The following CARMIL1 variants were observed in gnomAD, a reference collection of about 807,000 sequenced individuals.
CARMIL1 encodes the protein F-actin-uncapping protein LRRC16A.
Under a neutral mutation model 177.1 loss-of-function variants are expected in CARMIL1, and 90 were observed. The ratio of observed to expected loss-of-function variants is 0.51; its 90% CI spans 0.43 to 0.61. The LOEUF (loss-of-function observed/expected upper bound fraction) is 0.61. Ranked by LOEUF, CARMIL1 falls within the 20% of genes least tolerant of loss-of-function variation. CARMIL1 has a pLI of 0.00. For synonymous variants in CARMIL1, 577 were observed against 606.2 expected (o/e 0.95, Z 0.71); for missense variants, 1,380 against 1,667.0 (o/e 0.83, Z 3.00).
At chr6:25,441,373 CTATG>C (rs1562140708) in intron 5 of CARMIL1, among the ~76,000 whole-genome samples, 2 of 58,930 alleles carry the variant, frequency 3.4e-5, no homozygotes, top group Non-Finnish European at 7.5e-5. Context: ...GTGTGTGTGT[CTATG>C]TGTGTGTGTG....
intron 33 of CARMIL1, among the ~76,000 whole-genome samples, chr6:25,602,403 G>A (rs1319079717): frequency 6.6e-6 from 1 of 152,184 alleles, no homozygotes; most frequent in African/African-American, 2.4e-5. Context: ...TGATTAATAT[G>A]CTGTTTATGT....
At chr6:25,616,646 C>T (rs1816913521) in intron 36 of CARMIL1, among the ~76,000 whole-genome samples, 1 of 152,196 alleles carries the variant, frequency 6.6e-6, no homozygotes, top group Admixed American at 6.5e-5. Flanking sequence ...TTTTAAGTTT[C>T]AAACAGACGT....
chr6:25,451,242 C>T (rs946478626), intron 8 of CARMIL1, among the ~76,000 whole-genome samples: 2 of 151,874 alleles, frequency 1.3e-5, no homozygotes, highest in Non-Finnish European at 2.9e-5. Flanking sequence ...CTGAATTTTA[C>T]CATAAAAACA....
intron 12 of CARMIL1, among the ~76,000 whole-genome samples, chr6:25,485,538 G>A (rs543486142): frequency 2.9e-4 from 44 of 152,272 alleles, no homozygotes; most frequent in African/African-American, 1.1e-3. Flanking sequence ...GGGTTCAAGC[G>A]ATTCTCTTGC....
rs2690112 is a variant in CARMIL1, at chr6:25,326,585, T to G, written c.138+41676T>G. On this transcript the variant is annotated intron_variant, in intron 2 of 36. Transcript: ENST00000329474. The surrounding 1 kb of genome is among the most constrained non-coding windows in gnomAD (Gnocchi z 4.2). ...GACCTGGAAACCTGTAAGAAATGCA[T>G]ACTTCAAGTCTTATTATGGACTTGC... Among the ~76,000 whole-genome samples the G allele has an allele frequency of 6.6e-6, 1 of 152,000 alleles. No individual in the cohort carries two copies. Among genetic ancestry groups the G allele is most frequent in the Non-Finnish European group, 1.5e-5 (1 of 67,982 alleles).
chr6:25,450,582 T>C, intron 7 of CARMIL1, 56 bp from the exon 8 acceptor site: 1 of 1,152,498 alleles, frequency 8.7e-7, no homozygotes, highest in South Asian at 1.3e-5. Context: ...CTGTCTCTCT[T>C]GCTTTCCTGG....
chr6:25,486,398 C>A (rs301395), intron 12 of CARMIL1, among the ~76,000 whole-genome samples: 93,723 of 151,884 alleles, frequency 0.62, 29,055 homozygotes, highest in Non-Finnish European at 0.64. Flanking sequence ...CGCACTTGTC[C>A]AGGAGCATTT....
chr6:25,592,046 TTTTG>T (rs576890528), intron 31 of CARMIL1, among the ~76,000 whole-genome samples: 31 of 152,160 alleles, frequency 2.0e-4, no homozygotes, highest in Non-Finnish European at 2.2e-4. Flanking sequence ...TTTGTTTTTT[TTTTG>T]TTTGTTTGTT....
chr6:25,389,491 T>A (rs1792530936), intron 2 of CARMIL1, among the ~76,000 whole-genome samples: 1 of 152,136 alleles, frequency 6.6e-6, no homozygotes, highest in African/African-American at 2.4e-5. Context: ...TTTGCAAAAG[T>A]GTTAGCTGCT....
intron 8 of CARMIL1, among the ~76,000 whole-genome samples, chr6:25,462,418 C>T (rs1479550913): frequency 6.6e-6 from 1 of 152,148 alleles, no homozygotes; most frequent in Non-Finnish European, 1.5e-5. Context: ...GGGCTTGTTT[C>T]ACTGTGTTAT....
chr6:25,330,852 C>A (rs1202686405), intron 2 of CARMIL1, among the ~76,000 whole-genome samples: 1 of 144,982 alleles, frequency 6.9e-6, no homozygotes, highest in Non-Finnish European at 1.5e-5. Flanking sequence ...GAAGATTGAT[C>A]AATTTTATTA....
intron 31 of CARMIL1, among the ~76,000 whole-genome samples, chr6:25,592,672 G>A (rs1814435241): frequency 6.6e-6 from 1 of 152,200 alleles, no homozygotes. Context: ...TGAAGCGGAT[G>A]ATTGTTCAAG....
intron 28 of CARMIL1, among the ~76,000 whole-genome samples, chr6:25,555,318 A>G (rs1810499408): frequency 6.6e-6 from 1 of 152,232 alleles, no homozygotes; most frequent in South Asian, 2.1e-4. Flanking sequence ...GTAAAGAGCT[A>G]CATGATTGTT....
At chr6:25,334,013 C>T (rs12196438) in intron 2 of CARMIL1, among the ~76,000 whole-genome samples, 20,546 of 152,250 alleles carry the variant, frequency 0.13, 1,435 homozygotes, top group Middle Eastern at 0.19. Context: ...TGCTGGTGTT[C>T]TGTGAGTCCA....
At chr6:25,603,089 T>A (rs1162197201) in intron 33 of CARMIL1, among the ~76,000 whole-genome samples, 1 of 152,232 alleles carries the variant, frequency 6.6e-6, no homozygotes, top group Non-Finnish European at 1.5e-5. Flanking sequence ...CTCCCAGGAT[T>A]GCTTTAGAGA....
At chr6:25,298,165 G>A (rs1358017830) in intron 2 of CARMIL1, among the ~76,000 whole-genome samples, 1 of 152,180 alleles carries the variant, frequency 6.6e-6, no homozygotes, top group East Asian at 1.9e-4. Flanking sequence ...CACATAGTAA[G>A]TCATGAGTAA....
intron 21 of CARMIL1, 60 bp from the exon 22 acceptor site, chr6:25,517,287 C>A: frequency 1.6e-6 from 2 of 1,290,312 alleles, no homozygotes; most frequent in South Asian, 1.2e-5. Context: ...GGTTTATATT[C>A]AATGTGAGAA....
chr6:25,469,994 T>C (rs947588232), intron 9 of CARMIL1, among the ~76,000 whole-genome samples: 3 of 152,224 alleles, frequency 2.0e-5, no homozygotes, highest in African/African-American at 7.2e-5. Context: ...TCTTCATTTT[T>C]CACTGTCCCC....
At chr6:25,324,744 G>GGA (rs1284610384) in intron 2 of CARMIL1, among the ~76,000 whole-genome samples, 1 of 152,184 alleles carries the variant, frequency 6.6e-6, no homozygotes, top group Non-Finnish European at 1.5e-5. Flanking sequence ...GATAGGAGAT[G>GGA]GAGTAGGGTG....
Sources: allele counts gnomAD v4.1 joint callset (sites outside exome capture counted in the v4.1 genomes callset), GRCh38; gene constraint gnomAD v4.1.1; non-coding constraint Gnocchi (gnomAD v3.1); transcripts MANE v1.5; gene names NCBI Gene and HGNC (gene_info 2026-07-23, HGNC 2026-07-21).